The following DACH2 variants were observed in gnomAD, a reference collection of about 807,000 sequenced individuals.
DACH2 encodes the protein dachshund family transcription factor 2, also known as dachshund homolog 2.
A neutral mutation model predicts 35.8 loss-of-function variants in DACH2; 17 were observed. The ratio of observed to expected loss-of-function variants is 0.48; its 90% confidence interval spans 0.33 to 0.71. DACH2 has a LOEUF of 0.71. Among genes scored for constraint, DACH2 ranks in the 30% least tolerant of loss-of-function variants. The pLI, the probability that DACH2 is intolerant of heterozygous loss-of-function variation, is 0.02. For missense variants in DACH2, 469 were observed against 472.7 expected, an observed-to-expected ratio of 0.99 and a Z score of 0.07; for synonymous variants, 195 against 177.3, an observed-to-expected ratio of 1.10 and a Z score of -0.79.
At chrX:86,653,161 T>C (rs139916356) in intron 4 of DACH2, among the ~76,000 whole-genome samples, 4 of 112,281 alleles carry the variant, frequency 3.6e-5, no homozygotes, top group African/African-American at 1.3e-4. Context: ...GCTAGCCAGT[T>C]ATCCCAGCAC....
At chrX:86,303,412 C>A (rs1042254181) in intron 1 of DACH2, among the ~76,000 whole-genome samples, 29 of 110,025 alleles carry the variant, frequency 2.6e-4, no homozygotes, top group African/African-American at 9.3e-4. Flanking sequence ...AAACAAAAAG[C>A]AATATGGGTC....
intron 3 of DACH2, among the ~76,000 whole-genome samples, chrX:86,550,940 A>T (rs2039040758): frequency 9.0e-6 from 1 of 111,427 alleles, no homozygotes; most frequent in African/African-American, 3.3e-5. Flanking sequence ...GCAAAGGGGG[A>T]ATATGGCTTC....
At chrX:86,582,631 G>A (rs1464971106) in intron 3 of DACH2, among the ~76,000 whole-genome samples, 1 of 109,929 alleles carries the variant, frequency 9.1e-6, no homozygotes, top group African/African-American at 3.3e-5. Context: ...ATATATTCCT[G>A]GAAACGCACA....
chrX:86,761,596 A>G (rs747031852), intron 7 of DACH2, among the ~76,000 whole-genome samples: 2 of 111,865 alleles, frequency 1.8e-5, no homozygotes, highest in Non-Finnish European at 3.8e-5. Context: ...ACCCATGTAC[A>G]TGTATGTTTA....
At chrX:86,214,356 T>C (rs757188973) in intron 1 of DACH2, among the ~76,000 whole-genome samples, 1 of 112,371 alleles carries the variant, frequency 8.9e-6, no homozygotes, top group African/African-American at 3.2e-5. Flanking sequence ...TCTATAAAAC[T>C]TTATCTGACC....
At chrX:86,310,769 G>A (rs1170207088) in intron 1 of DACH2, among the ~76,000 whole-genome samples, 2 of 111,616 alleles carry the variant, frequency 1.8e-5, no homozygotes, top group Non-Finnish European at 3.8e-5. Context: ...TCTCTCAGTG[G>A]TCAAAAACTG....
At chrX:86,306,321 A>T (rs1004384033) in intron 1 of DACH2, among the ~76,000 whole-genome samples, 4 of 112,246 alleles carry the variant, frequency 3.6e-5, no homozygotes, top group African/African-American at 9.7e-5. Context: ...GGAGGACGTT[A>T]TGTTAGGTAA....
intron 3 of DACH2, among the ~76,000 whole-genome samples, chrX:86,560,151 C>T (rs1196799407): frequency 3.6e-5 from 1 of 27,487 alleles, no homozygotes. Context: ...GACAAAATCT[C>T]TCAGCATTTG....
chrX:86,686,779 C>G (rs1569467166), intron 4 of DACH2, among the ~76,000 whole-genome samples: 1 of 111,893 alleles, frequency 8.9e-6, no homozygotes, highest in Non-Finnish European at 1.9e-5. Context: ...TATCATCACA[C>G]TCAGCAGGTC....
intron 2 of DACH2, among the ~76,000 whole-genome samples, chrX:86,507,468 A>C: frequency 9.3e-6 from 1 of 107,940 alleles, no homozygotes; most frequent in Admixed American, 1.0e-4. Context: ...CCTTTCAAAA[A>C]AAAAAAAAAA....
At chrX:86,272,047 C>T (rs1421862934) in intron 1 of DACH2, among the ~76,000 whole-genome samples, 1 of 111,457 alleles carries the variant, frequency 9.0e-6, no homozygotes, top group Non-Finnish European at 1.9e-5. Context: ...CATGTTTACA[C>T]ATTATTTAGC....
At chrX:86,384,985 T>C (rs1360922956) in intron 2 of DACH2, among the ~76,000 whole-genome samples, 2 of 111,836 alleles carry the variant, frequency 1.8e-5, no homozygotes, top group African/African-American at 6.5e-5. Context: ...GAATACTTTT[T>C]CTGAAATATA....
chrX:86,697,112 T>A (rs1165653009), intron 5 of DACH2, among the ~76,000 whole-genome samples: 5 of 111,436 alleles, frequency 4.5e-5, no homozygotes, highest in Non-Finnish European at 9.4e-5. Context: ...GAGCTAAAAA[T>A]CACTTGTGAA....
intron 7 of DACH2, among the ~76,000 whole-genome samples, chrX:86,810,568 C>T (rs2042385255): frequency 9.0e-6 from 1 of 111,367 alleles, no homozygotes; most frequent in Non-Finnish European, 1.9e-5. Flanking sequence ...GATATATCAT[C>T]ATTATAAAGT....
chrX:86,790,584 T>C lies in DACH2; in HGVS notation c.1241-22272T>C, dbSNP rs141261886. On this transcript the variant is annotated intron_variant, in intron 7 of 11. Transcript: ENST00000373125. ...TTTTAAGCAACAGTGTCTTGTTCTG[T>C]TGCCCAGGCTGGAGTACAGTGATGC... Among the ~76,000 whole-genome samples, 373 of 112,021 alleles carry C rather than the reference T, an allele frequency of 3.3e-3. 3 individuals carry two copies. Among genetic ancestry groups the C allele is most frequent in the African/African-American group, 0.011 (354 of 30,838 alleles).
At chrX:86,782,840 T>C (rs764121667) in intron 7 of DACH2, among the ~76,000 whole-genome samples, 3 of 110,634 alleles carry the variant, frequency 2.7e-5, no homozygotes, top group Non-Finnish European at 3.8e-5. Context: ...CTCCAGGACA[T>C]TGTTCTTGGC....
chrX:86,477,651 G>T, intron 2 of DACH2, among the ~76,000 whole-genome samples: 1 of 109,487 alleles, frequency 9.1e-6, no homozygotes, highest in African/African-American at 3.3e-5. Flanking sequence ...AGTTTATTTT[G>T]TTTACATACA....
chrX:86,809,255 A>T (rs1416770230), intron 7 of DACH2, among the ~76,000 whole-genome samples: 2 of 111,805 alleles, frequency 1.8e-5, no homozygotes, highest in Non-Finnish European at 3.8e-5. Flanking sequence ...AATAAAAAAA[A>T]TCAAAATCCT....
intron 1 of DACH2, among the ~76,000 whole-genome samples, chrX:86,153,150 G>A (rs2030424199): frequency 9.0e-6 from 1 of 111,116 alleles, no homozygotes; most frequent in African/African-American, 3.3e-5. Flanking sequence ...GTCATTTAGA[G>A]TTAAATGGGT....
Sources: gnomAD v4.1 joint callset for allele counts (sites outside exome capture counted in the v4.1 genomes callset) on GRCh38, gnomAD v4.1.1 for gene constraint, MANE v1.5 for transcripts, NCBI Gene and HGNC (gene_info 2026-07-23, HGNC 2026-07-21) for gene names.